Variants in SLC25A21 observed in about 807,000 individuals in gnomAD.
The protein encoded by SLC25A21 is solute carrier family 25 member 21, also known as mitochondrial 2-oxodicarboxylate carrier.
SLC25A21 carries 47 observed loss-of-function variants against 43.8 expected under a neutral mutation model. The observed-to-expected ratio is 1.07, with a 90% CI of 0.85 to 1.37. The LOEUF (loss-of-function observed/expected upper bound fraction) is 1.37, where lower values mean the gene tolerates loss of function less well. Among genes scored for constraint, SLC25A21 ranks in the 40% most tolerant of loss-of-function variants. The probability of loss-of-function intolerance (pLI) is 0.00; values close to 1 mark genes in which losing one functional copy is unlikely to be tolerated. For missense variants in SLC25A21, 352 were observed against 350.2 expected, an observed-to-expected ratio of 1.00 and a Z score of -0.04; for synonymous variants, 131 against 121.3, an observed-to-expected ratio of 1.08 and a Z score of -0.52.
chr14:36,964,056 C>T (rs1420838687), intron 1 of SLC25A21, among the ~76,000 whole-genome samples: 1 of 152,114 alleles, frequency 6.6e-6, no homozygotes, highest in Non-Finnish European at 1.5e-5. Context: ...CCATGAAAAA[C>T]CAAAATGGGT....
chr14:37,132,172 C>T (rs995274453), intron 1 of SLC25A21, among the ~76,000 whole-genome samples: 2 of 152,160 alleles, frequency 1.3e-5, no homozygotes, highest in Non-Finnish European at 2.9e-5. Context: ...CAGGAGCCCA[C>T]TCTCACGCAA....
At chr14:36,811,344 A>C (rs1888257892) in intron 3 of SLC25A21, among the ~76,000 whole-genome samples, 2 of 152,140 alleles carry the variant, frequency 1.3e-5, no homozygotes, top group Admixed American at 1.3e-4. Flanking sequence ...GTAGAAGTTT[A>C]ATATGTGAAA....
chr14:37,048,274 GA>G (rs904080818), intron 1 of SLC25A21, among the ~76,000 whole-genome samples: 28 of 152,198 alleles, frequency 1.8e-4, no homozygotes, highest in African/African-American at 6.3e-4. Context: ...GATTAAGACA[GA>G]CCCTACAAAT....
chr14:36,692,780 G>A (rs944836995), intron 7 of SLC25A21, among the ~76,000 whole-genome samples: 11 of 152,178 alleles, frequency 7.2e-5, no homozygotes, highest in Admixed American at 2.6e-4. Context: ...GACAGCAATA[G>A]GGCTTTTCAT....
intron 1 of SLC25A21, among the ~76,000 whole-genome samples, chr14:37,151,947 G>A (rs938713408): frequency 6.6e-6 from 1 of 152,080 alleles, no homozygotes; most frequent in Non-Finnish European, 1.5e-5. Context: ...AGGCAAGAGA[G>A]ACGCTTGAAC....
chr14:36,684,548 C>G (rs143111470), intron 8 of SLC25A21, among the ~76,000 whole-genome samples, 196 bp downstream of exon 8: 176 of 152,258 alleles, frequency 1.2e-3, no homozygotes, highest in African/African-American at 4.1e-3. Flanking sequence ...CATATTGTCA[C>G]TTGATGGTGT....
rs778253175 is a variant in SLC25A21, at chr14:37,025,131, G to A, written c.70+147150C>T. 5.3e-5 allele frequency among the ~76,000 whole-genome samples: 8 copies of A among 152,172 alleles called. No individual in the cohort carries two copies. In the South Asian group the frequency reaches 1.2e-3, roughly 24 times the overall value. On this transcript the variant is annotated intron_variant, in intron 1 of 9. Coordinates refer to ENST00000331299, the MANE Select transcript of SLC25A21 (RefSeq NM_030631.4). ...CAATCAGAGTTAGAGCTACACTACCGTAGCCAGAATAAACAAGTAGGAAAG... is the reference window on the plus strand; with the variant it reads ...CAATCAGAGTTAGAGCTACACTACCATAGCCAGAATAAACAAGTAGGAAAG...
At chr14:36,715,271 G>A (rs1328308167) in intron 6 of SLC25A21, among the ~76,000 whole-genome samples, 1 of 152,122 alleles carries the variant, frequency 6.6e-6, no homozygotes, top group Non-Finnish European at 1.5e-5. Context: ...TCTTCATTCA[G>A]GGACATTGTT....
intron 3 of SLC25A21, among the ~76,000 whole-genome samples, chr14:36,738,945 A>G (rs775425541): frequency 3.9e-5 from 6 of 152,236 alleles, no homozygotes; most frequent in Non-Finnish European, 7.3e-5. Context: ...ACAATCCTTT[A>G]AAGTATTTAT....
intron 1 of SLC25A21, among the ~76,000 whole-genome samples, chr14:37,150,184 T>C (rs1245257544): frequency 6.6e-6 from 1 of 152,292 alleles, no homozygotes; most frequent in South Asian, 2.1e-4. Context: ...TGTTTAGAGA[T>C]GTTTATAATT....
chr14:36,977,221 C>T (rs945692543), intron 1 of SLC25A21, among the ~76,000 whole-genome samples: 9 of 152,012 alleles, frequency 5.9e-5, no homozygotes, highest in East Asian at 1.9e-4. Context: ...CAATAGTTTT[C>T]GTTTTGTAAT....
chr14:37,011,353 T>C (rs1960727909), intron 1 of SLC25A21, among the ~76,000 whole-genome samples: 1 of 152,170 alleles, frequency 6.6e-6, no homozygotes, highest in African/African-American at 2.4e-5. Flanking sequence ...ATTAAAACAC[T>C]CATCATTGTA....
In SLC25A21 at chr14:36,679,357, T is replaced by A; in HGVS notation, c.*1301A>T. The A allele has an allele frequency of 1.0e-6, 1 of 973,716 alleles. No homozygotes were observed. The highest frequency in any genetic ancestry group is 1.8e-5 in the African/African-American group (1 of 57,010). 60.3% of individuals were successfully genotyped at this position (973,716 alleles called of 1,614,324 possible). On this transcript the variant is annotated 3_prime_UTR_variant, in exon 10 of 10. Transcript: ENST00000331299. ...AATGCTCTAAATTAATAAAAAGTAA[T>A]AATTACCATGTTATCTTTTACTTTT...
chr14:36,872,614 T>C (rs1486197667), intron 2 of SLC25A21, among the ~76,000 whole-genome samples: 1 of 152,200 alleles, frequency 6.6e-6, no homozygotes, highest in Non-Finnish European at 1.5e-5. Flanking sequence ...TGAATCTTTA[T>C]TCAACATACT....
chr14:36,919,627 CTAT>C (rs771413065), intron 1 of SLC25A21, among the ~76,000 whole-genome samples: 1 of 113,620 alleles, frequency 8.8e-6, no homozygotes, highest in African/African-American at 3.8e-5. Flanking sequence ...ATCTACCTAT[CTAT>C]CTATCTATCT....
At chr14:37,055,062 C>T (rs7143414) in intron 1 of SLC25A21, among the ~76,000 whole-genome samples, 41,669 of 152,136 alleles carry the variant, frequency 0.27, 5,865 homozygotes, top group Non-Finnish European at 0.29. Context: ...CCCCTTGTGA[C>T]TGCAAGCGTC....
intron 1 of SLC25A21, among the ~76,000 whole-genome samples, chr14:36,970,131 A>T (rs1959716361): frequency 6.6e-6 from 1 of 152,222 alleles, no homozygotes; most frequent in South Asian, 2.1e-4. Context: ...GTGATTTTTT[A>T]ATTATGAAGA....
intron 1 of SLC25A21, among the ~76,000 whole-genome samples, chr14:36,945,581 A>T (rs867375204): frequency 1.3e-5 from 2 of 152,222 alleles, no homozygotes; most frequent in African/African-American, 4.8e-5. Context: ...AACGTTGAGG[A>T]CATTATGCTA....
chr14:36,850,845 C>G (rs2138514823), intron 2 of SLC25A21, among the ~76,000 whole-genome samples: 1 of 152,234 alleles, frequency 6.6e-6, no homozygotes, highest in South Asian at 2.1e-4. Context: ...CCGTCCAACC[C>G]CATCATTCAC....
Sources: gnomAD v4.1 joint callset for allele counts (sites outside exome capture counted in the v4.1 genomes callset) on GRCh38, gnomAD v4.1.1 for gene constraint, MANE v1.5 for transcripts, NCBI Gene and HGNC (gene_info 2026-07-23, HGNC 2026-07-21) for gene names.